The following DLGAP1 variants were observed in gnomAD, a reference collection of about 807,000 sequenced individuals.
DLGAP1 encodes the protein DLG associated protein 1.
DLGAP1 carries 11 observed loss-of-function variants against 90.8 expected under a neutral mutation model. That is an observed-to-expected ratio of 0.12 (90% CI 0.08 to 0.20). The LOEUF is 0.20. DLGAP1 is among the 10% of genes least tolerant of loss of function. The probability of loss-of-function intolerance (pLI) is 1.00; values close to 1 mark genes in which losing one functional copy is unlikely to be tolerated. For missense variants in DLGAP1, 1,050 were observed against 1,333.8 expected (o/e 0.79, Z 3.31); for synonymous variants, 558 against 540.7 (o/e 1.03, Z -0.44).
At chr18:3,692,671 T>C (rs2060940211) in intron 7 of DLGAP1, among the ~76,000 whole-genome samples, 1 of 152,238 alleles carries the variant, frequency 6.6e-6, no homozygotes, top group South Asian at 2.1e-4. Context: ...TACTCAGTAC[T>C]TTAAAGATTC....
At chr18:4,438,005 C>T (rs992335728) in intron 1 of DLGAP1, among the ~76,000 whole-genome samples, 17 of 152,170 alleles carry the variant, frequency 1.1e-4, no homozygotes, top group African/African-American at 3.6e-4. Context: ...GGTAGAGAAA[C>T]AGAATTAACA....
intron 1 of DLGAP1, among the ~76,000 whole-genome samples, chr18:4,438,730 T>C (rs1432883423): frequency 6.6e-6 from 1 of 152,148 alleles, no homozygotes; most frequent in African/African-American, 2.4e-5. Flanking sequence ...ATTTTGAAAT[T>C]TACCTGATTC....
chr18:3,845,448 T>C (rs2068954442), intron 4 of DLGAP1: 2 of 1,348,340 alleles, frequency 1.5e-6, no homozygotes, highest in Non-Finnish European at 1.9e-6. Flanking sequence ...CTTTACATTT[T>C]CATTCATATA....
Position 3,567,070 on chromosome 18 carries a change from A to ATTCATCATTCATTCAT in DLGAP1, c.2057+419_2057+420insATGAATGAATGATGAA, listed in dbSNP as rs1555682270. On this transcript the variant is annotated intron_variant, in intron 9 of 12. Coordinates refer to ENST00000315677, the MANE Select transcript of DLGAP1 (RefSeq NM_004746.4). ...CATTCATTCATTCATTCATTCATTC[A>ATTCATCATTCATTCAT]TCATTCATTCATTCATCATTCATTG... 8.5e-3 allele frequency among the ~76,000 whole-genome samples: 1,283 copies of ATTCATCATTCATTCAT among 150,996 alleles called. 18 individuals are homozygous for ATTCATCATTCATTCAT. The highest frequency in any genetic ancestry group is 0.028 in the African/African-American group (1,135 of 41,022).
rs8092712 is a variant in DLGAP1 at position 4,111,740 on chromosome 18, G to A, written c.-159+39440C>T. Among the ~76,000 whole-genome samples, 702 of 151,928 alleles carry A rather than the reference G, an allele frequency of 4.6e-3. 7 individuals are homozygous for A. Among genetic ancestry groups the A allele is most frequent in the South Asian group, 0.025 (121 of 4,816 alleles). Reference sequence around the variant, plus strand: ...TTGTGGGCACACATTATTATATAATGTTTCTTTATAATCCTTTTTATTTTT... The same window carrying A: ...TTGTGGGCACACATTATTATATAATATTTCTTTATAATCCTTTTTATTTTT... On this transcript the variant is annotated intron_variant, in intron 2 of 12. Coordinates refer to ENST00000315677, the MANE Select transcript of DLGAP1 (RefSeq NM_004746.4).
At chr18:4,317,091 A>G (rs1249416529) in intron 1 of DLGAP1, among the ~76,000 whole-genome samples, 1 of 152,208 alleles carries the variant, frequency 6.6e-6, no homozygotes, top group Non-Finnish European at 1.5e-5. Flanking sequence ...AAATCAGGTC[A>G]GGTTTTAATA....
intron 1 of DLGAP1, among the ~76,000 whole-genome samples, chr18:4,357,096 T>C (rs1372613332): frequency 3.5e-5 from 5 of 143,786 alleles, no homozygotes; most frequent in African/African-American, 5.9e-5. Context: ...TGTGCGTGTG[T>C]GTGTGTGTGT....
At chr18:3,585,902 G>A (rs1477981964) in intron 7 of DLGAP1, among the ~76,000 whole-genome samples, 1 of 152,196 alleles carries the variant, frequency 6.6e-6, no homozygotes, top group Non-Finnish European at 1.5e-5. Flanking sequence ...GTGATAAGTG[G>A]GGGTGGGAGG....
chr18:4,409,639 T>C (rs779606132), intron 1 of DLGAP1, among the ~76,000 whole-genome samples: 2 of 152,222 alleles, frequency 1.3e-5, no homozygotes, highest in Non-Finnish European at 2.9e-5. Flanking sequence ...TATCGCATTG[T>C]GGTTTTGATT....
At chr18:3,742,726 C>T (rs112581326) in intron 5 of DLGAP1, among the ~76,000 whole-genome samples, 1 of 152,306 alleles carries the variant, frequency 6.6e-6, no homozygotes, top group African/African-American at 2.4e-5. Flanking sequence ...GAGCAATTAA[C>T]ATTCTCTTCA....
At chr18:3,969,265 T>C in intron 3 of DLGAP1, among the ~76,000 whole-genome samples, 1 of 152,174 alleles carries the variant, frequency 6.6e-6, no homozygotes, top group African/African-American at 2.4e-5. Flanking sequence ...AATGATCATG[T>C]AGTCAATCAA....
At chr18:4,403,316 T>C (rs539215368) in intron 1 of DLGAP1, among the ~76,000 whole-genome samples, 1 of 152,300 alleles carries the variant, frequency 6.6e-6, no homozygotes, top group South Asian at 2.1e-4. Flanking sequence ...ACCTGGAATA[T>C]ATAGGTTGAA....
intron 3 of DLGAP1, among the ~76,000 whole-genome samples, chr18:3,888,033 G>A (rs1000409272): frequency 3.4e-5 from 5 of 146,480 alleles, no homozygotes; most frequent in Non-Finnish European, 4.5e-5. Context: ...GCGTGAACCC[G>A]GGAGGCGGAG....
intron 6 of DLGAP1, among the ~76,000 whole-genome samples, chr18:3,731,655 C>A (rs1253944510): frequency 6.6e-6 from 1 of 151,872 alleles, no homozygotes; most frequent in Non-Finnish European, 1.5e-5. Flanking sequence ...ACCATCCTCC[C>A]ACCTCCACCT....
intron 2 of DLGAP1, among the ~76,000 whole-genome samples, chr18:4,062,630 G>T (rs1352388163): frequency 6.6e-6 from 1 of 152,072 alleles, no homozygotes; most frequent in Non-Finnish European, 1.5e-5. Context: ...AATTATTTTT[G>T]CCGTGCTTCA....
At chr18:3,936,974 T>G (rs920793655) in intron 3 of DLGAP1, among the ~76,000 whole-genome samples, 2 of 152,200 alleles carry the variant, frequency 1.3e-5, no homozygotes, top group African/African-American at 2.4e-5. Flanking sequence ...TCCTTGGCTC[T>G]TATTTAAAAC....
chr18:3,578,655 AT>A (rs35788121), intron 8 of DLGAP1, among the ~76,000 whole-genome samples: 48,888 of 148,836 alleles, frequency 0.33, 8,086 homozygotes, highest in African/African-American at 0.39. Context: ...GCACCCGGCC[AT>A]TTTTTTTTTT....
chr18:4,030,223 C>T (rs72869549), intron 2 of DLGAP1, among the ~76,000 whole-genome samples: 23,946 of 152,130 alleles, frequency 0.16, 2,258 homozygotes, highest in Non-Finnish European at 0.2. Flanking sequence ...AAATTCTTGA[C>T]CTTGTGTTCC....
intron 4 of DLGAP1, among the ~76,000 whole-genome samples, chr18:3,855,594 T>G (rs919374155): frequency 6.6e-6 from 1 of 152,128 alleles, no homozygotes; most frequent in South Asian, 2.1e-4. Context: ...GGGAGGTAGA[T>G]TTTAAAAAAT....
Sources: gnomAD v4.1 joint callset for allele counts (sites outside exome capture counted in the v4.1 genomes callset) on GRCh38, gnomAD v4.1.1 for gene constraint, MANE v1.5 for transcripts, NCBI Gene and HGNC (gene_info 2026-07-23, HGNC 2026-07-21) for gene names.